TJP1: variants seen among roughly 807,000 people sequenced by gnomAD.
TJP1 encodes the protein tight junction protein ZO-1.
A neutral mutation model predicts 194.2 loss-of-function variants in TJP1; 43 were observed. The observed-to-expected ratio is 0.22, with a 90% CI of 0.17 to 0.29. The LOEUF (loss-of-function observed/expected upper bound fraction) is 0.29, where lower values mean the gene tolerates loss of function less well. Ranked by LOEUF, TJP1 falls within the 10% of genes least tolerant of loss-of-function variation. The pLI, the probability that TJP1 is intolerant of heterozygous loss-of-function variation, is 1.00. For missense variants in TJP1, 1,971 were observed against 2,185.7 expected (o/e 0.90, Z 1.96); for synonymous variants, 801 against 779.0 (o/e 1.03, Z -0.47).
intron 22 of TJP1, 61 bp downstream of exon 22, chr15:29,717,960 T>G: frequency 7.1e-7 from 1 of 1,414,292 alleles, no homozygotes; most frequent in Non-Finnish European, 9.8e-7. Context: ...GTTTTCTTAT[T>G]GACTAAGAGG....
intron 15 of TJP1, chr15:29,728,430 G>A (rs1863084479): frequency 6.0e-6 from 1 of 166,942 alleles, no homozygotes; most frequent in South Asian, 1.5e-4. Context: ...GCCACTACTG[G>A]CTTAAGAGGT....
chr15:29,930,535 C>T (rs1337996479), intron 2 of TJP1, among the ~76,000 whole-genome samples: 1 of 149,022 alleles, frequency 6.7e-6, no homozygotes, highest in Non-Finnish European at 1.5e-5. Flanking sequence ...ACACTCATTC[C>T]TGATACAAAC....
At chr15:29,966,198 C>T (rs552116432) in intron 1 of TJP1, among the ~76,000 whole-genome samples, 1 of 152,082 alleles carries the variant, frequency 6.6e-6, no homozygotes, top group African/African-American at 2.4e-5. Flanking sequence ...AAATATTATT[C>T]CCACATCTTG....
intron 2 of TJP1, among the ~76,000 whole-genome samples, chr15:29,829,689 T>C (rs2050778869): frequency 6.6e-6 from 1 of 150,692 alleles, no homozygotes. Flanking sequence ...CCCCAGAGTA[T>C]AATGTTTGCA....
chr15:29,712,808 T>C lies in TJP1; in HGVS notation c.4203-1808A>G, dbSNP rs1486561342. ...GAATAAGTGGGAGTGACATGTCCCA[T>C]TAAAAAAAAAAAAAAAAAGGCTGGG... On this transcript the variant is annotated intron_variant, in intron 23 of 27. Transcript: ENST00000614355. Among the ~76,000 whole-genome samples the C allele has an allele frequency of 3.7e-5, 5 of 135,080 alleles. No individual in the cohort carries two copies. The South Asian group carries it at 9.2e-4, about 25-fold the overall frequency. The allele number at this position is 135,080 out of a possible 152,430, so 88.6% of individuals were successfully genotyped here. A position where few individuals can be genotyped will look rare whatever the true frequency, so the allele number is the denominator to read the frequency against.
chr15:29,802,951 T>C (rs1333210802), intron 1 of TJP1, among the ~76,000 whole-genome samples: 1 of 152,166 alleles, frequency 6.6e-6, no homozygotes, highest in Admixed American at 6.5e-5. Flanking sequence ...ATGAACACAG[T>C]TTTCCATTTT....
intron 2 of TJP1, among the ~76,000 whole-genome samples, chr15:29,796,662 A>G (rs1595923296): frequency 6.6e-6 from 1 of 152,222 alleles, no homozygotes; most frequent in East Asian, 1.9e-4. Context: ...GAAGGAAGAT[A>G]AAAGTTGACA....
Position 29,908,005 on chromosome 15 carries a change from G to A in TJP1, c.306+48227C>T, listed in dbSNP as rs547503122. ...TATGGACAGAGAGGGGAAAAACACC[G>A]ATAGAAATTTGGAAGATAAAGTTGA... is the stretch of plus-strand genomic sequence containing the variant. On this transcript the variant is annotated intron_variant, in intron 2 of 28. Coordinates refer to the TJP1 transcript ENST00000356107. Among the ~76,000 whole-genome samples the A allele has an allele frequency of 7.8e-5, 7 of 89,458 alleles. No homozygotes were observed. In the East Asian group the frequency reaches 2.3e-3, roughly 29 times the overall value. The allele number at this position is 89,458 out of a possible 152,430, so 58.7% of individuals were successfully genotyped here.
chr15:29,964,207 G>A (rs965901602), intron 1 of TJP1, among the ~76,000 whole-genome samples: 1 of 152,120 alleles, frequency 6.6e-6, no homozygotes, highest in Non-Finnish European at 1.5e-5. Context: ...CCAATGACAA[G>A]TGTCCTTATA....
intron 2 of TJP1, among the ~76,000 whole-genome samples, chr15:29,906,241 G>A (rs1310418943): frequency 6.6e-6 from 1 of 152,102 alleles, no homozygotes; most frequent in Non-Finnish European, 1.5e-5. Flanking sequence ...GGGAGGCCGA[G>A]GTGGGTGGAT....
At chr15:29,788,390 G>A (rs2047842863) in intron 2 of TJP1, among the ~76,000 whole-genome samples, 1 of 152,110 alleles carries the variant, frequency 6.6e-6, no homozygotes, top group Non-Finnish European at 1.5e-5. Context: ...GCCTAACCCA[G>A]GTCACGAATA....
chr15:29,757,891 C>T (rs1364555050), intron 8 of TJP1, among the ~76,000 whole-genome samples: 2 of 152,178 alleles, frequency 1.3e-5, no homozygotes, highest in African/African-American at 4.8e-5. Flanking sequence ...CCACCTCTGC[C>T]ACCCATGATA....
intron 11 of TJP1, 140 bp from the exon 12 acceptor site, chr15:29,734,522 C>G: frequency 1.7e-6 from 1 of 602,046 alleles, no homozygotes; most frequent in East Asian, 3.4e-5. Context: ...CTCGCTCTGT[C>G]GCCCAGGCTG....
chr15:29,748,894 T>C (rs1424645519), intron 8 of TJP1, among the ~76,000 whole-genome samples: 2 of 151,790 alleles, frequency 1.3e-5, no homozygotes, highest in African/African-American at 4.8e-5. Context: ...AATTCTATCC[T>C]AATGGCTCTC....
chr15:29,950,554 G>T (rs2055710079), intron 2 of TJP1, among the ~76,000 whole-genome samples: 1 of 152,120 alleles, frequency 6.6e-6, no homozygotes, highest in Non-Finnish European at 1.5e-5. Context: ...AGGAGCCCAC[G>T]ATGCTCCCTG....
intron 1 of TJP1, among the ~76,000 whole-genome samples, chr15:29,959,561 C>T (rs758596609): frequency 2.0e-5 from 3 of 152,086 alleles, no homozygotes; most frequent in Non-Finnish European, 4.4e-5. Flanking sequence ...GGATACGCTG[C>T]CAGGTCTGTG....
In TJP1 at chr15:29,822,324, C is replaced by T. The variant is rs1284078676; in HGVS notation, c.-296G>A. ...TCGCAGCCCGGCCACGTCGGCCTCG[C>T]CCGGTCGCCCGCCCGTCAGCAGCAC... On this transcript the variant is annotated 5_prime_UTR_variant, in exon 1 of 28. Coordinates refer to ENST00000614355, the MANE Select transcript of TJP1 (RefSeq NM_001330239.4). The T allele has an allele frequency of 6.5e-6, 7 of 1,083,990 alleles. No individual in the cohort carries two copies. In the Admixed American group the frequency reaches 2.6e-4, roughly 41 times the overall value. The allele number at this position is 1,083,990 out of a possible 1,614,324, so 67.1% of individuals were successfully genotyped here. A position where few individuals can be genotyped will look rare whatever the true frequency, so the allele number is the denominator to read the frequency against.
At chr15:29,830,119 G>T (rs1402975729) in intron 2 of TJP1, among the ~76,000 whole-genome samples, 2 of 151,564 alleles carry the variant, frequency 1.3e-5, no homozygotes, top group East Asian at 3.9e-4. Flanking sequence ...ATAGATAAAA[G>T]AATTATTTCC....
chr15:29,732,916 A>G, intron 13 of TJP1, 101 bp from the exon 14 acceptor site: 1 of 1,295,912 alleles, frequency 7.7e-7, no homozygotes, highest in Admixed American at 2.8e-5. Flanking sequence ...GGAAGTTCAC[A>G]TACAGTTTAA....
Sources: gnomAD v4.1 joint callset for allele counts (sites outside exome capture counted in the v4.1 genomes callset) on GRCh38, gnomAD v4.1.1 for gene constraint, MANE v1.5 for transcripts, NCBI Gene and HGNC (gene_info 2026-07-23, HGNC 2026-07-21) for gene names.